ZNF521: variants seen among roughly 807,000 people sequenced by gnomAD.
ZNF521 encodes the protein LYST-interacting protein 3.
A neutral mutation model predicts 105.5 loss-of-function variants in ZNF521; 14 were observed. The ratio of observed to expected loss-of-function variants is 0.13; its 90% CI spans 0.09 to 0.21. ZNF521 has a LOEUF of 0.21. Ranked by LOEUF, ZNF521 falls within the 10% of genes least tolerant of loss-of-function variation. The probability of loss-of-function intolerance (pLI) is 1.00; values close to 1 mark genes in which losing one functional copy is unlikely to be tolerated. For synonymous variants in ZNF521, 635 were observed against 606.0 expected, an observed-to-expected ratio of 1.05 and a Z score of -0.70; for missense variants, 1,233 against 1,629.7, an observed-to-expected ratio of 0.76 and a Z score of 4.19.
At chr18:25,110,133 G>A (rs944448894) in intron 5 of ZNF521, among the ~76,000 whole-genome samples, 1 of 152,240 alleles carries the variant, frequency 6.6e-6, no homozygotes, top group African/African-American at 2.4e-5. Context: ...ACAGGAGAAA[G>A]ACAGGAGACA....
At chr18:25,220,222 G>C (rs1905619743) in intron 4 of ZNF521, among the ~76,000 whole-genome samples, 1 of 152,242 alleles carries the variant, frequency 6.6e-6, no homozygotes, top group Admixed American at 6.5e-5. Context: ...AGTGACAAGT[G>C]CTTAGAGACA....
chr18:25,157,480 A>C (rs1003844054), intron 5 of ZNF521, among the ~76,000 whole-genome samples: 7 of 152,226 alleles, frequency 4.6e-5, no homozygotes, highest in African/African-American at 1.7e-4. Context: ...AATTTATCCT[A>C]AGGAGATAAT....
intron 1 of ZNF521, chr18:25,351,484 T>C (rs1484772456): frequency 7.2e-6 from 1 of 139,056 alleles, no homozygotes; most frequent in Non-Finnish European, 1.5e-5. Flanking sequence ...AAAAAACAAA[T>C]AACACTGATT....
At chr18:25,106,530 A>C (rs7230380) in intron 5 of ZNF521, among the ~76,000 whole-genome samples, 69,845 of 151,832 alleles carry the variant, frequency 0.46, 16,453 homozygotes, top group South Asian at 0.66. Flanking sequence ...AGCACATTAC[A>C]AACATTACCA....
chr18:25,209,398 A>G (rs984789424), intron 4 of ZNF521, among the ~76,000 whole-genome samples: 1 of 152,138 alleles, frequency 6.6e-6, no homozygotes, highest in Non-Finnish European at 1.5e-5. Context: ...GGCATGAGCC[A>G]TGGCGCCCGG....
intron 3 of ZNF521, among the ~76,000 whole-genome samples, chr18:25,311,567 TC>T: frequency 6.6e-6 from 1 of 152,140 alleles, no homozygotes; most frequent in South Asian, 2.1e-4. Context: ...CTCTTTTAAT[TC>T]ATCTTCCCCA....
intron 5 of ZNF521, among the ~76,000 whole-genome samples, chr18:25,138,995 C>A (rs1221475678): frequency 1.3e-5 from 2 of 152,150 alleles, no homozygotes; most frequent in African/African-American, 4.8e-5. Flanking sequence ...AGAAGAAAGG[C>A]AAACTCTTTT....
rs577658104 is a variant in ZNF521 at position 25,224,993 on chromosome 18, A to C, written c.2925T>G (p.Thr975=). 1.2e-6 allele frequency: 2 copies of C among 1,614,148 alleles called. No individual in the cohort carries two copies. The highest frequency in any genetic ancestry group is 2.2e-5 in the East Asian group (1 of 44,878). ...TCTTACTATGCGTGACTTTGTGTTCAGTAAGAGTTAAAAGGGAGGGAAACC... is the reference window on the plus strand; with the variant it reads ...TCTTACTATGCGTGACTTTGTGTTCCGTAAGAGTTAAAAGGGAGGGAAACC... ...GERFPSLLTL[T]EHKVTHSKSL... is the part of the protein sequence containing the mutation. The change falls in exon 4 of 8, where the codon ACT becomes ACG. Residue 975 remains threonine (T), a synonymous_variant. Coordinates refer to ENST00000361524, the MANE Select transcript of ZNF521 (RefSeq NM_015461.3).
chr18:25,351,462 C>CA (rs1371660189), intron 1 of ZNF521: 1 of 150,696 alleles, frequency 6.6e-6, no homozygotes, highest in Admixed American at 6.6e-5. Context: ...ATCCGCCCCC[C>CA]CCCCCACCGG....
chr18:25,322,243 A>G, intron 2 of ZNF521, 56 bp from the exon 3 acceptor site: 2 of 1,547,044 alleles, frequency 1.3e-6, no homozygotes, highest in Non-Finnish European at 1.8e-6. Context: ...TTTTAAAGTA[A>G]CATTTAATCT....
Position 25,253,864 on chromosome 18 carries a change from G to T in ZNF521, c.221-26167C>A, listed in dbSNP as rs9961453. 1.9e-4 allele frequency among the ~76,000 whole-genome samples: 29 copies of T among 152,116 alleles called. 1 individual carries two copies. The highest frequency in any genetic ancestry group is 5.3e-4 in the African/African-American group (22 of 41,522). Reference sequence around the variant, plus strand: ...CTCCAAAGGGTTCAATAGCAGATGTGGGGGGGAACTATTTGCAAGCACCTT... The same window carrying T: ...CTCCAAAGGGTTCAATAGCAGATGTTGGGGGGAACTATTTGCAAGCACCTT... On this transcript the variant is annotated intron_variant, in intron 3 of 7. Transcript: ENST00000361524.
At chr18:25,319,019 T>C (rs1037733263) in intron 3 of ZNF521, among the ~76,000 whole-genome samples, 1 of 151,214 alleles carries the variant, frequency 6.6e-6, no homozygotes, top group Non-Finnish European at 1.5e-5. Context: ...GAAAAGACCA[T>C]GATGATTCTG....
intron 3 of ZNF521, among the ~76,000 whole-genome samples, chr18:25,288,881 C>G (rs1910854686): frequency 6.6e-6 from 1 of 152,222 alleles, no homozygotes; most frequent in African/African-American, 2.4e-5. Flanking sequence ...TGCCAGACAT[C>G]AGCCTTGCTC....
intron 3 of ZNF521, among the ~76,000 whole-genome samples, chr18:25,321,108 G>A (rs543329678): frequency 1.3e-5 from 2 of 152,296 alleles, no homozygotes; most frequent in South Asian, 4.1e-4. Flanking sequence ...TCGCTTAATG[G>A]AAGAAAGATT....
chr18:25,298,040 C>A (rs1268117461), intron 3 of ZNF521, among the ~76,000 whole-genome samples: 1 of 152,112 alleles, frequency 6.6e-6, no homozygotes, highest in Non-Finnish European at 1.5e-5. Flanking sequence ...CAATTATTCA[C>A]CTGCATTAGA....
At chr18:25,304,880 T>G (rs1182614268) in intron 3 of ZNF521, among the ~76,000 whole-genome samples, 1 of 152,214 alleles carries the variant, frequency 6.6e-6, no homozygotes, top group Admixed American at 6.5e-5. Flanking sequence ...ACTGTACATG[T>G]GTTTACGCTT....
chr18:25,288,271 T>C (rs546583689), intron 3 of ZNF521, among the ~76,000 whole-genome samples: 1 of 152,346 alleles, frequency 6.6e-6, no homozygotes, highest in African/African-American at 2.4e-5. Context: ...TGCCCTCCGA[T>C]GTGAACAATA....
rs189235593 is a variant in ZNF521 at position 25,266,061 on chromosome 18, G to A, written c.221-38364C>T. 2.9e-3 allele frequency among the ~76,000 whole-genome samples: 442 copies of A among 152,284 alleles called. 1 individual carries two copies. Among genetic ancestry groups the A allele is most frequent in the Non-Finnish European group, 3.9e-3 (268 of 68,010 alleles). On this transcript the variant is annotated intron_variant, in intron 3 of 7. Coordinates refer to ENST00000361524, the MANE Select transcript of ZNF521 (RefSeq NM_015461.3). ...TGGGAAAAGTAGTAGGGGTCTGGGG[G>A]AAAGGTGAGGATGGTTAATAGGTAC...
At chr18:25,071,462 C>T (rs1000106558) in intron 7 of ZNF521, among the ~76,000 whole-genome samples, 2 of 152,048 alleles carry the variant, frequency 1.3e-5, no homozygotes, top group African/African-American at 4.8e-5. Context: ...TAAAGGTACC[C>T]AAATATTAAA....
Sources: gnomAD v4.1 joint callset for allele counts (sites outside exome capture counted in the v4.1 genomes callset) on GRCh38, gnomAD v4.1.1 for gene constraint, MANE v1.5 for transcripts, NCBI Gene and HGNC (gene_info 2026-07-23, HGNC 2026-07-21) for gene names.